The following TLK1 variants were observed in gnomAD, a reference collection of about 807,000 sequenced individuals.
TLK1 encodes the protein tousled like kinase 1.
In TLK1, 24 loss-of-function variants were observed where a neutral mutation model predicts 105.3. The ratio of observed to expected loss-of-function variants is 0.23; its 90% CI spans 0.17 to 0.32. TLK1 has a LOEUF of 0.32. TLK1 is among the 10% of genes least tolerant of loss of function. The pLI is 1.00. For missense variants in TLK1, 558 were observed against 910.5 expected, an observed-to-expected ratio of 0.61 and a Z score of 4.98; for synonymous variants, 321 against 310.4, an observed-to-expected ratio of 1.03 and a Z score of -0.36.
intron 2 of TLK1, among the ~76,000 whole-genome samples, chr2:171,095,459 G>A (rs1406706157): frequency 6.6e-6 from 1 of 151,990 alleles, no homozygotes; most frequent in Non-Finnish European, 1.5e-5. Context: ...ACAGAACTAA[G>A]AATTACAAGA....
rs150368506 is a variant in TLK1, at chr2:171,019,439, G to A, written c.1237-4491C>T. ...TTTTTCAAAAGGCAATTATTAAAAGGTGAAATATGGTAGGCATTAAAACTA... is the reference window on the plus strand; with the variant it reads ...TTTTTCAAAAGGCAATTATTAAAAGATGAAATATGGTAGGCATTAAAACTA... On this transcript the variant is annotated intron_variant, in intron 12 of 20. Coordinates refer to ENST00000431350, the MANE Select transcript of TLK1 (RefSeq NM_012290.5). Among the ~76,000 whole-genome samples the A allele has an allele frequency of 3.0e-3, 454 of 152,200 alleles. 3 individuals are homozygous for A. The highest frequency in any genetic ancestry group is 3.7e-3 in the Non-Finnish European group (249 of 68,016).
At chr2:171,023,181 GGAGA>G in intron 12 of TLK1, 1 of 470,774 alleles carries the variant, frequency 2.1e-6, no homozygotes, top group Non-Finnish European at 4.4e-6. Flanking sequence ...AAGGAGCAAA[GGAGA>G]GAGAGAGAAA....
chr2:171,110,774 C>T (rs1334566502), intron 2 of TLK1, among the ~76,000 whole-genome samples: 2 of 152,110 alleles, frequency 1.3e-5, no homozygotes, highest in African/African-American at 4.8e-5. Flanking sequence ...CTATTTAATA[C>T]CTTAATTGTG....
At chr2:171,198,227 C>T (rs886165257) in intron 1 of TLK1, among the ~76,000 whole-genome samples, 4 of 152,006 alleles carry the variant, frequency 2.6e-5, no homozygotes, top group African/African-American at 9.7e-5. Context: ...GGCTGGCCAG[C>T]TGGAAATACA....
At chr2:171,027,210 C>A (rs994500273) in intron 12 of TLK1, among the ~76,000 whole-genome samples, 2 of 152,214 alleles carry the variant, frequency 1.3e-5, no homozygotes, top group Middle Eastern at 3.4e-3. Flanking sequence ...GAGACAACTT[C>A]ACAGATACTA....
chr2:171,193,124 A>C (rs1693186439), intron 1 of TLK1, among the ~76,000 whole-genome samples: 1 of 152,250 alleles, frequency 6.6e-6, no homozygotes, highest in Non-Finnish European at 1.5e-5. Flanking sequence ...GCTCAGGTAC[A>C]GACTTATACA....
chr2:171,130,606 C>T (rs534760904), intron 1 of TLK1, among the ~76,000 whole-genome samples: 4 of 152,226 alleles, frequency 2.6e-5, no homozygotes, highest in South Asian at 4.1e-4. Flanking sequence ...AAGTAAATCA[C>T]GTGAGAAGAG....
At chr2:171,211,583 G>A (rs1196881431) in intron 1 of TLK1, among the ~76,000 whole-genome samples, 1 of 151,672 alleles carries the variant, frequency 6.6e-6, no homozygotes, top group African/African-American at 2.4e-5. Flanking sequence ...AGAGTCTTGC[G>A]CTGTCGCCCA....
At chr2:171,089,589 T>C (rs988055001) in intron 2 of TLK1, among the ~76,000 whole-genome samples, 2 of 152,244 alleles carry the variant, frequency 1.3e-5, no homozygotes, top group African/African-American at 4.8e-5. Flanking sequence ...TATTTACAGA[T>C]GGGTCTACTG....
intron 1 of TLK1, among the ~76,000 whole-genome samples, chr2:171,137,617 C>T (rs1033678920): frequency 2.0e-5 from 3 of 151,924 alleles, no homozygotes; most frequent in Non-Finnish European, 4.4e-5. Flanking sequence ...GGGAGGCTAA[C>T]GTGGGCGGAT....
intron 11 of TLK1, among the ~76,000 whole-genome samples, chr2:171,041,682 C>T (rs1284730239): frequency 6.6e-6 from 1 of 152,154 alleles, no homozygotes; most frequent in African/African-American, 2.4e-5. Flanking sequence ...TCCCCCAGCC[C>T]CCACCCCAGC....
chr2:171,135,234 T>C (rs964765373), intron 1 of TLK1, among the ~76,000 whole-genome samples: 1 of 152,006 alleles, frequency 6.6e-6, no homozygotes, highest in Non-Finnish European at 1.5e-5. Flanking sequence ...AATGTCTTGC[T>C]GGAAAAATTA....
At chr2:171,003,612 GGA>G (rs1265646974) in intron 18 of TLK1, among the ~76,000 whole-genome samples, 1 of 152,150 alleles carries the variant, frequency 6.6e-6, no homozygotes, top group Non-Finnish European at 1.5e-5. Context: ...GCCTTTTACT[GGA>G]GAGATTAATT....
At position 171,120,248 on chromosome 2, in the gene TLK1, G is replaced by GAAAAAAAAAAAAAAAAAAAAAAAAA. The variant is rs71008751; in HGVS notation, c.140-2392_140-2391insTTTTTTTTTTTTTTTTTTTTTTTTT. Among the ~76,000 whole-genome samples, 2 of 47,048 alleles carry GAAAAAAAAAAAAAAAAAAAAAAAAA rather than the reference G, an allele frequency of 4.3e-5. 1 individual carries two copies. Among genetic ancestry groups the GAAAAAAAAAAAAAAAAAAAAAAAAA allele is most frequent in the Admixed American group, 6.2e-4 (2 of 3,246 alleles). The allele number at this position is 47,048 out of a possible 152,430, so 30.9% of individuals were successfully genotyped here. A position where few individuals can be genotyped will look rare whatever the true frequency, so the allele number is the denominator to read the frequency against. Reference sequence around the variant, plus strand: ...TGGGCGACAGAGTGAGACTCCGTCAGAAAAAAAAAAAAAAAAAAAAAAAAG... The same window carrying GAAAAAAAAAAAAAAAAAAAAAAAAA: ...TGGGCGACAGAGTGAGACTCCGTCAGAAAAAAAAAAAAAAAAAAAAAAAAAAAAAAAAAAAAAAAAAAAAAAAAAG... On this transcript the variant is annotated intron_variant, in intron 1 of 20. Coordinates refer to ENST00000431350, the MANE Select transcript of TLK1 (RefSeq NM_012290.5).
At chr2:171,149,099 C>CTTTT (rs11335300) in intron 1 of TLK1, among the ~76,000 whole-genome samples, 530 of 57,600 alleles carry the variant, frequency 9.2e-3, no homozygotes, top group Middle Eastern at 0.017. Context: ...AATTACTTTT[C>CTTTT]TTTTTTTTTT....
At chr2:171,005,730 A>G (rs900565472) in intron 18 of TLK1, among the ~76,000 whole-genome samples, 1 of 152,152 alleles carries the variant, frequency 6.6e-6, no homozygotes, top group Non-Finnish European at 1.5e-5. Flanking sequence ...AATAAAATGA[A>G]AATTCCTGCA....
intron 12 of TLK1, among the ~76,000 whole-genome samples, chr2:171,026,438 T>C (rs558741011): frequency 3.3e-5 from 5 of 152,288 alleles, no homozygotes; most frequent in Admixed American, 2.0e-4. Context: ...CTTTTTGTAA[T>C]ACAAATAGCC....
intron 11 of TLK1, among the ~76,000 whole-genome samples, chr2:171,033,032 A>T (rs1686121080): frequency 6.6e-6 from 1 of 152,030 alleles, no homozygotes; most frequent in African/African-American, 2.4e-5. Context: ...ACATGGTGAA[A>T]CTCTGTCTAC....
At chr2:171,050,212 G>T (rs1392195713) in intron 8 of TLK1, 38 bp from the exon 9 acceptor site, 3 of 1,419,488 alleles carry the variant, frequency 2.1e-6, no homozygotes, top group African/African-American at 1.4e-5. Flanking sequence ...GTCTAGACTG[G>T]GGAATATGAA....
Sources: gnomAD v4.1 joint callset for allele counts (sites outside exome capture counted in the v4.1 genomes callset) on GRCh38, gnomAD v4.1.1 for gene constraint, MANE v1.5 for transcripts, NCBI Gene and HGNC (gene_info 2026-07-23, HGNC 2026-07-21) for gene names.